The following SHISA6 variants were observed in gnomAD, a reference collection of about 807,000 sequenced individuals.
SHISA6 encodes protein shisa-6.
In SHISA6, 22 loss-of-function variants were observed where a neutral mutation model predicts 47.9. That is an observed-to-expected ratio of 0.46 (90% CI 0.33 to 0.66). The LOEUF (loss-of-function observed/expected upper bound fraction) is 0.66. Among genes scored for constraint, SHISA6 ranks in the 30% least tolerant of loss-of-function variants. SHISA6 has a pLI of 0.02. For missense variants in SHISA6, 680 were observed against 764.6 expected (o/e 0.89, Z 1.30); for synonymous variants, 388 against 337.8 (o/e 1.15, Z -1.63).
At chr17:11,352,669 A>C (rs1252547830) in intron 2 of SHISA6, among the ~76,000 whole-genome samples, 1 of 152,164 alleles carries the variant, frequency 6.6e-6, no homozygotes, top group African/African-American at 2.4e-5. Flanking sequence ...AAGGCAAAAG[A>C]AAAGCTGTCT....
At chr17:11,480,286 G>A (rs1916177714) in intron 3 of SHISA6, among the ~76,000 whole-genome samples, 1 of 151,940 alleles carries the variant, frequency 6.6e-6, no homozygotes, top group Admixed American at 6.6e-5. Context: ...ATTCTACTTT[G>A]TATTATTTGT....
chr17:11,283,141 C>T (rs529283518), intron 2 of SHISA6, among the ~76,000 whole-genome samples: 24 of 152,060 alleles, frequency 1.6e-4, no homozygotes, highest in Non-Finnish European at 3.1e-4. Flanking sequence ...TTAAGTGTGC[C>T]CACATGAATA....
chr17:11,380,839 T>C (rs1257663991), intron 3 of SHISA6, among the ~76,000 whole-genome samples: 1 of 152,120 alleles, frequency 6.6e-6, no homozygotes, highest in African/African-American at 2.4e-5. Flanking sequence ...TTCACTCACA[T>C]GGTGCTGGAT....
At chr17:11,356,132 A>G (rs1343536646) in intron 2 of SHISA6, among the ~76,000 whole-genome samples, 1 of 152,238 alleles carries the variant, frequency 6.6e-6, no homozygotes, top group African/African-American at 2.4e-5. Context: ...AGATAAGACC[A>G]GCAAATGAGG....
intron 2 of SHISA6, among the ~76,000 whole-genome samples, chr17:11,316,379 A>T (rs1276780417): frequency 7.4e-5 from 7 of 95,210 alleles, no homozygotes; most frequent in Admixed American, 2.5e-4. Flanking sequence ...CATTTCCATT[A>T]GTTCCATCCT....
intron 2 of SHISA6, among the ~76,000 whole-genome samples, chr17:11,277,297 CA>C (rs1908955602): frequency 2.0e-5 from 3 of 150,160 alleles, no homozygotes; most frequent in Non-Finnish European, 4.4e-5. Flanking sequence ...CACACACACA[CA>C]CACACACACA....
At chr17:11,345,744 A>G (rs1911683022) in intron 2 of SHISA6, among the ~76,000 whole-genome samples, 1 of 152,042 alleles carries the variant, frequency 6.6e-6, no homozygotes, top group East Asian at 1.9e-4. Flanking sequence ...TTGACTTATT[A>G]ATTTCATTTT....
At chr17:11,280,953 G>A (rs1909095453) in intron 2 of SHISA6, among the ~76,000 whole-genome samples, 1 of 152,146 alleles carries the variant, frequency 6.6e-6, no homozygotes, top group African/African-American at 2.4e-5. Flanking sequence ...TTAAAGAACT[G>A]AGCATTTCAA....
intron 2 of SHISA6, among the ~76,000 whole-genome samples, chr17:11,284,406 G>A (rs550989790): frequency 6.6e-6 from 1 of 152,186 alleles, no homozygotes; most frequent in African/African-American, 2.4e-5. Flanking sequence ...ATGGCTGCCC[G>A]AGCTCCAGGC....
In SHISA6 at chr17:11,418,380, C is replaced by T. The variant is rs1443720449; in HGVS notation, c.895+38871C>T. ...ATTGTCATGAGAGATTTCTTTGTTA[C>T]ATTTCTTCCCACTTACCTTCTTGAT... On this transcript the variant is annotated intron_variant, in intron 3 of 5. Transcript: ENST00000441885. Among the ~76,000 whole-genome samples the T allele has an allele frequency of 3.3e-5, 5 of 152,234 alleles. 1 individual carries two copies. The South Asian group carries it at 1.0e-3, about 32-fold the overall frequency.
chr17:11,470,468 G>T (rs1366777815), intron 3 of SHISA6, among the ~76,000 whole-genome samples: 4 of 152,164 alleles, frequency 2.6e-5, no homozygotes, highest in African/African-American at 7.2e-5. Context: ...TGCTTAGGAA[G>T]AACATCCCCC....
At chr17:11,368,948 C>G (rs1912539718) in intron 2 of SHISA6, among the ~76,000 whole-genome samples, 1 of 152,204 alleles carries the variant, frequency 6.6e-6, no homozygotes, top group Non-Finnish European at 1.5e-5. Context: ...GGCCACCGAA[C>G]CCGGCCGAAT....
intron 3 of SHISA6, among the ~76,000 whole-genome samples, chr17:11,442,432 C>T (rs570773197): frequency 5.7e-4 from 87 of 152,194 alleles, no homozygotes; most frequent in African/African-American, 2.0e-3. Flanking sequence ...TCTGAGAGAC[C>T]GGCAGAGAAA....
chr17:11,440,164 C>T (rs11659103), intron 3 of SHISA6, among the ~76,000 whole-genome samples: 11,971 of 152,160 alleles, frequency 0.079, 574 homozygotes, highest in Admixed American at 0.11. Context: ...AAGATGAGGA[C>T]GCTGCCCTAC....
intron 4 of SHISA6, among the ~76,000 whole-genome samples, chr17:11,553,184 T>G (rs1038948728): frequency 2.0e-5 from 3 of 152,148 alleles, no homozygotes; most frequent in African/African-American, 7.2e-5. Context: ...ACATGAAGTC[T>G]GGAGGAAGGT....
intron 3 of SHISA6, among the ~76,000 whole-genome samples, chr17:11,464,633 GA>G (rs1215187018): frequency 6.6e-6 from 1 of 152,116 alleles, no homozygotes; most frequent in African/African-American, 2.4e-5. Context: ...CTCAGGCAAA[GA>G]AAATAATCAA....
chr17:11,324,045 G>A (rs772302283), intron 2 of SHISA6, among the ~76,000 whole-genome samples: 2 of 152,092 alleles, frequency 1.3e-5, no homozygotes, highest in Admixed American at 6.6e-5. Context: ...CACACCCAGC[G>A]GTATATGCAC....
chr17:11,479,098 C>G (rs1916148457), intron 3 of SHISA6, among the ~76,000 whole-genome samples: 1 of 151,780 alleles, frequency 6.6e-6, no homozygotes, highest in African/African-American at 2.4e-5. Flanking sequence ...AATGGTTGCC[C>G]TAGAGTTTGC....
intron 1 of SHISA6, among the ~76,000 whole-genome samples, chr17:11,249,389 A>G (rs1907717841): frequency 6.6e-6 from 1 of 152,128 alleles, no homozygotes; most frequent in Non-Finnish European, 1.5e-5. Flanking sequence ...CATAGAATAT[A>G]GCTCTGCAAG....
Sources: gnomAD v4.1 joint callset for allele counts (sites outside exome capture counted in the v4.1 genomes callset) on GRCh38, gnomAD v4.1.1 for gene constraint, MANE v1.5 for transcripts, NCBI Gene and HGNC (gene_info 2026-07-23, HGNC 2026-07-21) for gene names.